ARHGAP24: variants seen among roughly 807,000 people sequenced by gnomAD.
ARHGAP24 encodes rho GTPase-activating protein 24.
ARHGAP24 carries 50 observed loss-of-function variants against 76.4 expected under a neutral mutation model. That is an observed-to-expected ratio of 0.65 (90% CI 0.52 to 0.83). The LOEUF (loss-of-function observed/expected upper bound fraction) is 0.83, where lower values mean the gene tolerates loss of function less well. Ranked by LOEUF, ARHGAP24 falls within the 40% of genes least tolerant of loss-of-function variation. The probability of loss-of-function intolerance (pLI) is 0.00; values close to 1 mark genes in which losing one functional copy is unlikely to be tolerated. For missense variants in ARHGAP24, 930 were observed against 914.2 expected (o/e 1.02, Z -0.22); for synonymous variants, 345 against 323.3 (o/e 1.07, Z -0.72).
chr4:85,756,136 G>A lies in ARHGAP24; in HGVS notation c.268+34164G>A, dbSNP rs112486882. On this transcript the variant is annotated intron_variant, in intron 3 of 9. Coordinates refer to ENST00000395184, the MANE Select transcript of ARHGAP24 (RefSeq NM_001025616.3). ...TGTATTGATGTATCAATACGTTGAG[G>A]ATACATATCTTACAATAGATTACAA... 5.1e-3 allele frequency among the ~76,000 whole-genome samples: 780 copies of A among 152,134 alleles called. 3 individuals are homozygous for A. Among genetic ancestry groups the A allele is most frequent in the Non-Finnish European group, 8.1e-3 (552 of 67,994 alleles).
chr4:85,936,884 A>G (rs1193810221), intron 4 of ARHGAP24, among the ~76,000 whole-genome samples: 1 of 152,192 alleles, frequency 6.6e-6, no homozygotes, highest in Non-Finnish European at 1.5e-5. Context: ...GTTTGAGAGC[A>G]TATTGTTTGT....
chr4:85,591,068 G>A (rs1728086347), intron 2 of ARHGAP24, among the ~76,000 whole-genome samples: 1 of 88,684 alleles, frequency 1.1e-5, no homozygotes, highest in Non-Finnish European at 2.0e-5. Context: ...TTTTGAGATG[G>A]AGTTTTGCTC....
chr4:85,887,923 G>A (rs902442356), intron 3 of ARHGAP24, among the ~76,000 whole-genome samples: 5 of 152,082 alleles, frequency 3.3e-5, no homozygotes, highest in African/African-American at 1.2e-4. Flanking sequence ...TACCATTTAT[G>A]TTGTTGACAA....
chr4:85,516,457 C>G (rs1397789520), intron 1 of ARHGAP24, among the ~76,000 whole-genome samples: 1 of 152,048 alleles, frequency 6.6e-6, no homozygotes, highest in Non-Finnish European at 1.5e-5. Context: ...TATGTTGTTT[C>G]ACTTAAAGTT....
chr4:85,986,966 C>A (rs1740042775), intron 8 of ARHGAP24, among the ~76,000 whole-genome samples: 1 of 151,880 alleles, frequency 6.6e-6, no homozygotes, highest in South Asian at 2.1e-4. Context: ...AGGATGAATA[C>A]CAGGAGCATA....
At chr4:85,675,683 T>C (rs1338967576) in intron 2 of ARHGAP24, among the ~76,000 whole-genome samples, 3 of 152,204 alleles carry the variant, frequency 2.0e-5, no homozygotes, top group Admixed American at 1.3e-4. Flanking sequence ...ATTCCAACCA[T>C]GTAAGGGCTT....
chr4:85,868,315 T>G (rs1323455283), intron 3 of ARHGAP24, among the ~76,000 whole-genome samples: 1 of 152,116 alleles, frequency 6.6e-6, no homozygotes, highest in Non-Finnish European at 1.5e-5. Flanking sequence ...GTCTCATAGG[T>G]GGCCCCCCTA....
intron 1 of ARHGAP24, among the ~76,000 whole-genome samples, chr4:85,510,824 T>C (rs369240038): frequency 7.5e-4 from 3 of 3,974 alleles, no homozygotes; most frequent in Non-Finnish European, 7.1e-3. Context: ...TCCTCCTCCT[T>C]CTCTCTCGCT....
At chr4:85,785,985 C>CT (rs34673338) in intron 3 of ARHGAP24, among the ~76,000 whole-genome samples, 3,962 of 149,740 alleles carry the variant, frequency 0.026, 167 homozygotes, top group African/African-American at 0.091. Flanking sequence ...CCACTACTAC[C>CT]TTTTTTTTTT....
intron 1 of ARHGAP24, among the ~76,000 whole-genome samples, chr4:85,562,872 A>G (rs1490277999): frequency 2.6e-5 from 4 of 152,344 alleles, no homozygotes; most frequent in South Asian, 2.1e-4. Context: ...ATGTTGAACT[A>G]TCATTGTTAC....
intron 3 of ARHGAP24, among the ~76,000 whole-genome samples, chr4:85,820,844 C>T (rs1729436735): frequency 1.3e-5 from 2 of 151,954 alleles, no homozygotes; most frequent in South Asian, 2.1e-4. Context: ...AACTTAGTAG[C>T]ATAAAAGTAT....
At chr4:85,737,270 C>A (rs928988020) in intron 3 of ARHGAP24, among the ~76,000 whole-genome samples, 1 of 152,116 alleles carries the variant, frequency 6.6e-6, no homozygotes, top group Non-Finnish European at 1.5e-5. Flanking sequence ...TCTGTTCAGC[C>A]CTTTGTTAAC....
intron 3 of ARHGAP24, among the ~76,000 whole-genome samples, chr4:85,863,298 C>T (rs1054164091): frequency 6.6e-6 from 1 of 152,070 alleles, no homozygotes; most frequent in African/African-American, 2.4e-5. Context: ...TTGTTAACCA[C>T]CCTAAATAAT....
At chr4:85,881,630 T>G (rs1271836892) in intron 3 of ARHGAP24, among the ~76,000 whole-genome samples, 2 of 50,434 alleles carry the variant, frequency 4.0e-5, no homozygotes, top group Non-Finnish European at 8.4e-5. Context: ...GTGAAGCATA[T>G]TTTTGTTATC....
At chr4:85,581,427 G>A (rs1309569992) in intron 2 of ARHGAP24, among the ~76,000 whole-genome samples, 1 of 152,102 alleles carries the variant, frequency 6.6e-6, no homozygotes, top group Non-Finnish European at 1.5e-5. Context: ...CTTCACTCAT[G>A]TTTAGAAATA....
chr4:85,504,149 T>C (rs1468501862), intron 1 of ARHGAP24, among the ~76,000 whole-genome samples: 2 of 152,216 alleles, frequency 1.3e-5, no homozygotes, highest in African/African-American at 4.8e-5. Context: ...ATGTGGTCAG[T>C]TTAAGAATAA....
intron 8 of ARHGAP24, among the ~76,000 whole-genome samples, chr4:85,986,981 A>C (rs568115768): frequency 1.3e-5 from 2 of 152,196 alleles, no homozygotes; most frequent in South Asian, 4.1e-4. Flanking sequence ...AGCATAAGGA[A>C]TTTTTAGGGC....
Position 85,641,274 on chromosome 4 carries a change from T to G in ARHGAP24, c.180+70553T>G, listed in dbSNP as rs186207898. On this transcript the variant is annotated intron_variant, in intron 2 of 9. Transcript: ENST00000395184. ...CATTCTTGGCCTGAATCTTCCCCTT[T>G]TTTGTACATCATTCTTTTGCATATG... Among the ~76,000 whole-genome samples the G allele has an allele frequency of 8.7e-3, 1,328 of 152,270 alleles. 12 individuals carry two copies. The highest frequency in any genetic ancestry group is 0.044 in the Middle Eastern group (13 of 294).
chr4:85,622,510 G>C (rs1424194544), intron 2 of ARHGAP24, among the ~76,000 whole-genome samples: 1 of 151,928 alleles, frequency 6.6e-6, no homozygotes, highest in African/African-American at 2.4e-5. Flanking sequence ...TGGACATTTA[G>C]GTTGGTTCCA....
Sources: allele counts gnomAD v4.1 joint callset (sites outside exome capture counted in the v4.1 genomes callset), GRCh38; gene constraint gnomAD v4.1.1; transcripts MANE v1.5; gene names NCBI Gene and HGNC (gene_info 2026-07-23, HGNC 2026-07-21).